ZDHHC17: variants seen among roughly 807,000 people sequenced by gnomAD.
ZDHHC17 encodes zDHHC palmitoyltransferase 17.
ZDHHC17 carries 40 observed loss-of-function variants against 90.3 expected under a neutral mutation model. That is an observed-to-expected ratio of 0.44 (90% CI 0.34 to 0.58). ZDHHC17 has a LOEUF of 0.58. ZDHHC17 is among the 20% of genes least tolerant of loss of function. ZDHHC17 has a pLI of 0.01. For synonymous variants in ZDHHC17, 235 were observed against 252.4 expected (o/e 0.93, Z 0.65); for missense variants, 614 against 780.8 (o/e 0.79, Z 2.55).
At chr12:76,845,997 T>C (rs1235145148) in intron 13 of ZDHHC17, among the ~76,000 whole-genome samples, 195 bp downstream of exon 13, 1 of 152,170 alleles carries the variant, frequency 6.6e-6, no homozygotes, top group Non-Finnish European at 1.5e-5. Context: ...GGCTGATACC[T>C]TTTCTCTGTC....
chr12:76,828,265 C>A, intron 9 of ZDHHC17, 125 bp from the exon 10 acceptor site: 1 of 768,604 alleles, frequency 1.3e-6, no homozygotes, highest in Non-Finnish European at 1.9e-6. Context: ...ATTGAGCATC[C>A]TGAACTCTGG....
intron 2 of ZDHHC17, among the ~76,000 whole-genome samples, chr12:76,797,833 A>G (rs761608509): frequency 6.6e-6 from 1 of 151,942 alleles, no homozygotes; most frequent in Non-Finnish European, 1.5e-5. Context: ...AATCCCAGCT[A>G]TTTGGGAGGC....
intron 1 of ZDHHC17, among the ~76,000 whole-genome samples, chr12:76,791,822 T>C (rs1952763122): frequency 6.6e-6 from 1 of 152,146 alleles, no homozygotes; most frequent in Non-Finnish European, 1.5e-5. Context: ...TCAGATTTGA[T>C]AATTTGCATA....
At chr12:76,768,580 G>A (rs1445841428) in intron 1 of ZDHHC17, among the ~76,000 whole-genome samples, 1 of 152,232 alleles carries the variant, frequency 6.6e-6, no homozygotes, top group Non-Finnish European at 1.5e-5. Flanking sequence ...ATTAAGTAAT[G>A]TAGCTTGTAA....
intron 1 of ZDHHC17, among the ~76,000 whole-genome samples, chr12:76,788,471 G>T (rs1440489773): frequency 2.0e-5 from 3 of 152,034 alleles, no homozygotes; most frequent in Non-Finnish European, 4.4e-5. Flanking sequence ...ACTATAAAGG[G>T]TATAATCTCT....
intron 10 of ZDHHC17, among the ~76,000 whole-genome samples, chr12:76,834,043 A>G (rs1423885643): frequency 6.6e-6 from 1 of 152,164 alleles, no homozygotes; most frequent in African/African-American, 2.4e-5. Context: ...GCTCATATTT[A>G]AGATACAATA....
At chr12:76,780,455 A>C (rs1220532576) in intron 1 of ZDHHC17, among the ~76,000 whole-genome samples, 1 of 152,208 alleles carries the variant, frequency 6.6e-6, no homozygotes, top group Non-Finnish European at 1.5e-5. Context: ...CATTTCTGTT[A>C]GTGATCATTT....
At chr12:76,778,730 T>G (rs547144045) in intron 1 of ZDHHC17, among the ~76,000 whole-genome samples, 4 of 152,390 alleles carry the variant, frequency 2.6e-5, no homozygotes, top group African/African-American at 7.2e-5. Context: ...TATCTTTTCA[T>G]GTGCATATTT....
rs1237578668 is a variant in ZDHHC17, at chr12:76,852,830, G to A, written c.*1845G>A. The A allele has an allele frequency of 6.6e-6, 1 of 152,572 alleles. No individual in the cohort carries two copies. Among genetic ancestry groups the A allele is most frequent in the Non-Finnish European group, 1.5e-5 (1 of 67,996 alleles). 9.5% of individuals were successfully genotyped at this position (152,572 alleles called of 1,614,324 possible). A position where few individuals can be genotyped will look rare whatever the true frequency, so the allele number is the denominator to read the frequency against. On this transcript the variant is annotated 3_prime_UTR_variant, in exon 17 of 17. Coordinates refer to ENST00000426126, the MANE Select transcript of ZDHHC17 (RefSeq NM_015336.4). ...GGTGGCAATAGCATTGTGCCATTTT[G>A]TCATAGAATGTAAAAATTGGTTAAC...
intron 1 of ZDHHC17, among the ~76,000 whole-genome samples, chr12:76,778,244 C>T (rs1952581778): frequency 6.6e-6 from 1 of 151,916 alleles, no homozygotes; most frequent in South Asian, 2.1e-4. Context: ...GAGTCTCGCT[C>T]CCACCCAGGG....
At chr12:76,799,375 T>A (rs1192159706) in intron 2 of ZDHHC17, among the ~76,000 whole-genome samples, 2 of 152,236 alleles carry the variant, frequency 1.3e-5, no homozygotes, top group African/African-American at 2.4e-5. Flanking sequence ...CTTGGTGTGC[T>A]TTTGGTCTCT....
Position 76,826,995 on chromosome 12 carries a change from C to T in ZDHHC17, c.985C>T (p.Leu329Phe). 1 of 1,562,700 alleles carries T rather than the reference C, an allele frequency of 6.4e-7. No homozygotes were observed. ...AGCAGACCTAAATATTGATTCTTGG[C>T]TCATTAAAGGGCTAATGTATGGTGG... Reference protein sequence around the residue: ...FIADLNIDSWLIKGLMYGGVW... With the variant: ...FIADLNIDSWFIKGLMYGGVW... The change falls in exon 9 of 17, where the codon CTC (leucine) becomes TTC (phenylalanine). Residue 329 changes from leucine to phenylalanine, a missense_variant. Transcript: ENST00000426126.
At chr12:76,788,884 C>T (rs1157866646) in intron 1 of ZDHHC17, among the ~76,000 whole-genome samples, 2 of 151,360 alleles carry the variant, frequency 1.3e-5, no homozygotes, top group Non-Finnish European at 2.9e-5. Flanking sequence ...TTAGTAGAGA[C>T]GGGGTTTTCT....
At chr12:76,831,359 G>GTTTTA (rs1953299017) in intron 10 of ZDHHC17, among the ~76,000 whole-genome samples, 1 of 151,524 alleles carries the variant, frequency 6.6e-6, no homozygotes, top group African/African-American at 2.4e-5. Context: ...GTTTTGTTTT[G>GTTTTA]TTTTATTTTG....
intron 1 of ZDHHC17, among the ~76,000 whole-genome samples, chr12:76,766,325 G>A (rs1185861878): frequency 9.2e-5 from 14 of 152,156 alleles, no homozygotes; most frequent in Non-Finnish European, 1.5e-5. Flanking sequence ...ACATGGCTGA[G>A]GTCTTTCTGC....
intron 2 of ZDHHC17, 93 bp downstream of exon 2, chr12:76,797,630 C>T (rs79234725): frequency 1.1e-6 from 1 of 937,678 alleles, no homozygotes; most frequent in Non-Finnish European, 1.5e-6. Flanking sequence ...GGAAAAACAT[C>T]AGTATATCTC....
chr12:76,778,894 C>A (rs1025268211), intron 1 of ZDHHC17, among the ~76,000 whole-genome samples: 1 of 152,158 alleles, frequency 6.6e-6, no homozygotes, highest in Non-Finnish European at 1.5e-5. Context: ...CAAGTTTCTT[C>A]TGAGGTCTCT....
intron 3 of ZDHHC17, among the ~76,000 whole-genome samples, chr12:76,806,542 T>A (rs936267818): frequency 3.9e-5 from 6 of 152,210 alleles, no homozygotes; most frequent in Non-Finnish European, 8.8e-5. Flanking sequence ...CAGCTAATTT[T>A]TTTTATGTTT....
intron 1 of ZDHHC17, among the ~76,000 whole-genome samples, chr12:76,784,294 G>T (rs1210552913): frequency 1.3e-5 from 2 of 152,130 alleles, no homozygotes; most frequent in Non-Finnish European, 2.9e-5. Flanking sequence ...TAAGACATCA[G>T]TTTGAAAAGA....
Sources: allele counts gnomAD v4.1 joint callset (sites outside exome capture counted in the v4.1 genomes callset), GRCh38; gene constraint gnomAD v4.1.1; transcripts MANE v1.5; gene names NCBI Gene and HGNC (gene_info 2026-07-23, HGNC 2026-07-21).